The following PDXDC1 variants were observed in gnomAD, a reference collection of about 807,000 sequenced individuals.
PDXDC1 encodes the protein pyridoxal-dependent decarboxylase domain-containing protein 1.
In PDXDC1, 42 loss-of-function variants were observed where a neutral mutation model predicts 100.1. The observed-to-expected ratio is 0.42, with a 90% CI of 0.33 to 0.54. The LOEUF is 0.54. Among genes scored for constraint, PDXDC1 ranks in the 20% least tolerant of loss-of-function variants. The probability of loss-of-function intolerance (pLI) is 0.10; values close to 1 mark genes in which losing one functional copy is unlikely to be tolerated. For synonymous variants in PDXDC1, 260 were observed against 371.7 expected (o/e 0.70, Z 3.46); for missense variants, 636 against 979.2 (o/e 0.65, Z 4.68).
intron 16 of PDXDC1, chr16:15,123,394 T>C: frequency 1.8e-6 from 2 of 1,101,042 alleles, no homozygotes; most frequent in Non-Finnish European, 2.7e-6. Context: ...TGACAAAACA[T>C]AAAAAACAAA....
At chr16:15,047,477 G>A (rs1168852882) in intron 16 of PDXDC1, 5 of 1,613,430 alleles carry the variant, frequency 3.1e-6, no homozygotes, top group Admixed American at 3.3e-5. Flanking sequence ...AGGATTTTAT[G>A]GAGTTCATGA....
At chr16:15,145,497 C>T in the PDXDC1 span, among the ~76,000 whole-genome samples, 4 of 152,260 alleles carry the variant, frequency 2.6e-5, no homozygotes, top group South Asian at 2.1e-4. Context: ...AAGCCCTTTC[C>T]GAGGTGGCCT....
At chr16:15,034,644 C>A in intron 21 of PDXDC1, 91 bp downstream of exon 21, 1 of 921,944 alleles carries the variant, frequency 1.1e-6, no homozygotes, top group Non-Finnish European at 1.8e-6. Flanking sequence ...CTGAGAATCC[C>A]GCCCTGGTTC....
chr16:14,980,966 GAC>G (rs1967839231), intron 1 of PDXDC1, among the ~76,000 whole-genome samples: 1 of 152,286 alleles, frequency 6.6e-6, no homozygotes, highest in Non-Finnish European at 1.5e-5. Context: ...TGCTGACAGA[GAC>G]ACAAGGTGAG....
chr16:15,122,383 T>C (rs1024386104), intron 16 of PDXDC1, among the ~76,000 whole-genome samples: 43 of 145,606 alleles, frequency 3.0e-4, no homozygotes, highest in Non-Finnish European at 5.0e-4. Flanking sequence ...ACTAATCTTT[T>C]TTGGAATTTT....
chr16:15,030,121 C>T (rs938615784), intron 16 of PDXDC1, 65 bp downstream of exon 16: 3 of 1,323,304 alleles, frequency 2.3e-6, no homozygotes, highest in Non-Finnish European at 3.2e-6. Flanking sequence ...TTAGCTTGCC[C>T]TTATGATACT....
At chr16:15,133,257 C>T (rs2151922411) in intron 16 of PDXDC1, 1 of 1,546,488 alleles carries the variant, frequency 6.5e-7, no homozygotes, top group South Asian at 1.1e-5. Flanking sequence ...TGCCAGGCTG[C>T]ACTCACCTCG....
At chr16:14,986,251 T>C (rs920804942) in intron 1 of PDXDC1, among the ~76,000 whole-genome samples, 4 of 152,284 alleles carry the variant, frequency 2.6e-5, no homozygotes, top group Non-Finnish European at 5.9e-5. Flanking sequence ...GGCAGGCAGA[T>C]TATCTGAGGG....
At chr16:15,119,893 CA>C (rs1290152567) in intron 16 of PDXDC1, among the ~76,000 whole-genome samples, 1 of 149,534 alleles carries the variant, frequency 6.7e-6, no homozygotes, top group Non-Finnish European at 1.5e-5. Context: ...GTGCACTCAG[CA>C]AATTTTTGTA....
intron 16 of PDXDC1, among the ~76,000 whole-genome samples, chr16:15,050,073 T>A (rs1021081554): frequency 2.0e-5 from 3 of 152,206 alleles, no homozygotes; most frequent in African/African-American, 7.2e-5. Context: ...ACATAGTTAT[T>A]GTTAGAATAC....
At chr16:15,033,487 A>G in intron 19 of PDXDC1, 88 bp downstream of exon 19, 1 of 1,435,002 alleles carries the variant, frequency 7.0e-7, no homozygotes, top group Non-Finnish European at 9.8e-7. Context: ...TGCCCTTGGG[A>G]TGTCTGTTCG....
chr16:15,072,886 T>G, intron 16 of PDXDC1: 8 of 1,570,450 alleles, frequency 5.1e-6, no homozygotes, highest in Non-Finnish European at 7.0e-6. Flanking sequence ...ACCCCAGTTT[T>G]TAGGGAAAAT....
intron 16 of PDXDC1, chr16:15,086,144 A>C (rs1276027498): frequency 1.2e-6 from 2 of 1,600,834 alleles, no homozygotes; most frequent in South Asian, 2.3e-5. Context: ...ACAAAATGGG[A>C]AGCAATCATG....
chr16:15,090,756 T>C (rs1186155903), intron 16 of PDXDC1, among the ~76,000 whole-genome samples: 1 of 152,168 alleles, frequency 6.6e-6, no homozygotes, highest in East Asian at 1.9e-4. Flanking sequence ...ACTGCCATAG[T>C]AATAAACCAT....
chr16:15,016,364 A>G (rs1190416707), intron 9 of PDXDC1, 151 bp downstream of exon 9: 1 of 1,451,810 alleles, frequency 6.9e-7, no homozygotes, highest in Non-Finnish European at 9.1e-7. Context: ...TTAAGCCCAA[A>G]GAGATCTTAC....
chr16:15,131,547 C>T (rs1017931416), intron 16 of PDXDC1: 106 of 1,609,550 alleles, frequency 6.6e-5, no homozygotes, highest in Middle Eastern at 2.2e-4. Flanking sequence ...CCGCCAGTGT[C>T]AGGGGCTCCT....
At chr16:15,051,010 G>A (rs2044271196) in intron 16 of PDXDC1, among the ~76,000 whole-genome samples, 1 of 152,236 alleles carries the variant, frequency 6.6e-6, no homozygotes, top group Admixed American at 6.5e-5. Flanking sequence ...ACAGGTGACA[G>A]CCTCTCATTT....
rs564494714 is a variant in PDXDC1, at chr16:15,077,169, G to C, written c.1399+47113G>C. Reference sequence around the variant, plus strand: ...TAATTTTGTATTTTTAGTAGAGATGGGGTTACTCCATGTTAGTCAGGCTGG... The same window carrying C: ...TAATTTTGTATTTTTAGTAGAGATGCGGTTACTCCATGTTAGTCAGGCTGG... On this transcript the variant is annotated intron_variant, in intron 16 of 16. Transcript: ENST00000535621. 6.7e-3 allele frequency among the ~76,000 whole-genome samples: 1,017 copies of C among 151,614 alleles called. 7 individuals are homozygous for C. The highest frequency in any genetic ancestry group is 0.013 in the South Asian group (61 of 4,790).
chr16:15,023,866 A>G (rs2042386025), intron 13 of PDXDC1, among the ~76,000 whole-genome samples: 1 of 152,290 alleles, frequency 6.6e-6, no homozygotes, highest in Non-Finnish European at 1.5e-5. Flanking sequence ...GCCCTGTGAC[A>G]TTGAGTCATT....
Sources: gnomAD v4.1 joint callset for allele counts (sites outside exome capture counted in the v4.1 genomes callset) on GRCh38, gnomAD v4.1.1 for gene constraint, MANE v1.5 for transcripts, NCBI Gene and HGNC (gene_info 2026-07-23, HGNC 2026-07-21) for gene names.